The following CADM2 variants were observed in gnomAD, a reference collection of about 807,000 sequenced individuals.
The protein encoded by CADM2 is immunoglobulin superfamily member 4D.
Under a neutral mutation model 49.8 loss-of-function variants are expected in CADM2, and 12 were observed. The observed-to-expected ratio is 0.24, with a 90% CI of 0.15 to 0.39. The LOEUF is 0.39. Among genes scored for constraint, CADM2 ranks in the 10% least tolerant of loss-of-function variants. The pLI, the probability that CADM2 is intolerant of heterozygous loss-of-function variation, is 1.00. For synonymous variants in CADM2, 214 were observed against 175.4 expected (o/e 1.22, Z -1.74); for missense variants, 378 against 492.3 (o/e 0.77, Z 2.20).
intron 1 of CADM2, among the ~76,000 whole-genome samples, chr3:85,401,316 C>T (rs2035098012): frequency 6.6e-6 from 1 of 152,168 alleles, no homozygotes; most frequent in African/African-American, 2.4e-5. Flanking sequence ...CGGATCCTCT[C>T]AGCCTCTGTC....
At chr3:85,541,748 ATATATTT>A (rs1559897571) in intron 1 of CADM2, among the ~76,000 whole-genome samples, 9 of 26,960 alleles carry the variant, frequency 3.3e-4, no homozygotes, top group East Asian at 0.025. Context: ...TATATATTTT[ATATATTT>A]TATATATATA....
At chr3:85,781,025 G>A (rs552953154) in intron 2 of CADM2, among the ~76,000 whole-genome samples, 7 of 152,228 alleles carry the variant, frequency 4.6e-5, no homozygotes, top group East Asian at 3.9e-4. Context: ...ATCCCCAGAA[G>A]CCAAGTCCCC....
intron 1 of CADM2, among the ~76,000 whole-genome samples, chr3:84,998,770 C>T (rs1243844346): frequency 6.6e-6 from 1 of 152,022 alleles, no homozygotes; most frequent in Non-Finnish European, 1.5e-5. Context: ...GGGCAGGTAG[C>T]CAGAGGCTCA....
chr3:84,975,209 AAC>A (rs563809237), intron 1 of CADM2, among the ~76,000 whole-genome samples: 24 of 151,850 alleles, frequency 1.6e-4, no homozygotes, highest in African/African-American at 5.1e-4. Flanking sequence ...TCAAAAATAA[AAC>A]AGTTATTTAA....
At chr3:85,951,730 C>T (rs536502904) in intron 7 of CADM2, among the ~76,000 whole-genome samples, 2 of 151,094 alleles carry the variant, frequency 1.3e-5, no homozygotes, top group East Asian at 3.9e-4. Flanking sequence ...TCTTCATGTG[C>T]ACACTTGCAT....
chr3:85,573,616 T>C (rs898791580), intron 1 of CADM2, among the ~76,000 whole-genome samples: 1 of 152,196 alleles, frequency 6.6e-6, no homozygotes, highest in African/African-American at 2.4e-5. Context: ...GTTATGATCT[T>C]GCATGAATAT....
chr3:85,295,663 C>A (rs1480511223), intron 1 of CADM2, among the ~76,000 whole-genome samples: 1 of 151,986 alleles, frequency 6.6e-6, no homozygotes, highest in Non-Finnish European at 1.5e-5. Context: ...AATTGGAAAT[C>A]ATCATTCTCA....
At chr3:85,331,983 A>G (rs1411544855) in intron 1 of CADM2, among the ~76,000 whole-genome samples, 1 of 152,138 alleles carries the variant, frequency 6.6e-6, no homozygotes, top group Non-Finnish European at 1.5e-5. Context: ...CAAAAGGTCA[A>G]CACCTTTGAC....
At chr3:85,291,853 A>G (rs2043806647) in intron 1 of CADM2, among the ~76,000 whole-genome samples, 1 of 149,570 alleles carries the variant, frequency 6.7e-6, no homozygotes, top group African/African-American at 2.6e-5. Context: ...TGTAAAGACC[A>G]TCGAGACTAG....
intron 1 of CADM2, among the ~76,000 whole-genome samples, chr3:85,275,589 CTTGA>C (rs1416206094): frequency 2.0e-5 from 3 of 151,130 alleles, no homozygotes; most frequent in Non-Finnish European, 3.0e-5. Context: ...CTTTGAACTT[CTTGA>C]TTAAGCATTC....
chr3:85,638,023 G>C (rs1431973009), intron 1 of CADM2, among the ~76,000 whole-genome samples: 1 of 152,168 alleles, frequency 6.6e-6, no homozygotes, highest in Non-Finnish European at 1.5e-5. Flanking sequence ...TTTCTAAAGA[G>C]TGCAATTCCT....
At chr3:85,460,462 T>A (rs1018386567) in intron 1 of CADM2, among the ~76,000 whole-genome samples, 1 of 152,164 alleles carries the variant, frequency 6.6e-6, no homozygotes. Context: ...CTGCCTTCCT[T>A]GCATTTCAAA....
At chr3:85,655,031 A>G (rs145304808) in intron 1 of CADM2, among the ~76,000 whole-genome samples, 411 of 152,322 alleles carry the variant, frequency 2.7e-3, no homozygotes, top group African/African-American at 8.8e-3. Flanking sequence ...GTTAGTTGAG[A>G]CCAGGAAACA....
intron 1 of CADM2, among the ~76,000 whole-genome samples, chr3:85,538,659 C>G (rs757555289): frequency 6.6e-6 from 1 of 152,046 alleles, no homozygotes; most frequent in Non-Finnish European, 1.5e-5. Flanking sequence ...ATCAAGAAAA[C>G]TATTGTCAGA....
chr3:85,424,973 A>G (rs931954770), intron 1 of CADM2, among the ~76,000 whole-genome samples: 3 of 152,186 alleles, frequency 2.0e-5, no homozygotes, highest in South Asian at 4.1e-4. Flanking sequence ...ATTAATGAGA[A>G]CCTCAAGACT....
In CADM2 at chr3:85,511,754, G is replaced by A. The variant is rs1037575102; in HGVS notation, c.62-214768G>A. ...TGCAAAAGAAAATAGAGGTTGGAAT[G>A]AGAATTGTGACTGTAATCCACCATC... is the stretch of plus-strand genomic sequence containing the variant. On this transcript the variant is annotated intron_variant, in intron 1 of 9. Coordinates refer to ENST00000383699, the MANE Select transcript of CADM2 (RefSeq NM_001167675.2). 1.3e-5 allele frequency: 4 copies of A among 307,948 alleles called. No homozygotes were observed. In the Admixed American group the frequency reaches 1.9e-4, roughly 15 times the overall value. The allele number at this position is 307,948 out of a possible 1,614,324, so 19.1% of individuals were successfully genotyped here. A position where few individuals can be genotyped will look rare whatever the true frequency, so the allele number is the denominator to read the frequency against.
chr3:85,626,305 C>A (rs2064129491), intron 1 of CADM2, among the ~76,000 whole-genome samples: 1 of 152,020 alleles, frequency 6.6e-6, no homozygotes, highest in East Asian at 1.9e-4. Context: ...TCAACTTGTT[C>A]TTAGTCATCA....
At chr3:85,948,321 T>C (rs1023344270) in intron 7 of CADM2, among the ~76,000 whole-genome samples, 1 of 151,424 alleles carries the variant, frequency 6.6e-6, no homozygotes, top group African/African-American at 2.4e-5. Context: ...TTGCACTTTT[T>C]TTTGCATTTT....
intron 3 of CADM2, among the ~76,000 whole-genome samples, chr3:85,872,058 A>G (rs2075952007): frequency 6.6e-6 from 1 of 152,170 alleles, no homozygotes; most frequent in African/African-American, 2.4e-5. Flanking sequence ...CCTCAGTGAA[A>G]GCTCCCTAAG....
Sources: allele counts gnomAD v4.1 joint callset (sites outside exome capture counted in the v4.1 genomes callset), GRCh38; gene constraint gnomAD v4.1.1; transcripts MANE v1.5; gene names NCBI Gene and HGNC (gene_info 2026-07-23, HGNC 2026-07-21).